The following SLC17A1 variants were observed in gnomAD, a reference collection of about 807,000 sequenced individuals.
The protein encoded by SLC17A1 is solute carrier family 17 member 1.
In SLC17A1, 51 loss-of-function variants were observed where a neutral mutation model predicts 53.5. The observed-to-expected ratio is 0.95, with a 90% CI of 0.76 to 1.20. The LOEUF is 1.20. Among genes scored for constraint, SLC17A1 ranks in the 50% most tolerant of loss-of-function variants. The probability of loss-of-function intolerance (pLI) is 0.00; values close to 1 mark genes in which losing one functional copy is unlikely to be tolerated. For synonymous variants in SLC17A1, 179 were observed against 198.8 expected (o/e 0.90, Z 0.84); for missense variants, 538 against 568.2 (o/e 0.95, Z 0.54).
chr6:25,726,396 T>C, the SLC17A1 span: 31 of 1,614,066 alleles, frequency 1.9e-5, no homozygotes, highest in Admixed American at 1.5e-4. Context: ...CGCCTGCCCC[T>C]ATCCGCTCTG....
chr6:25,809,264 G>A (rs1015199334), intron 10 of SLC17A1, among the ~76,000 whole-genome samples: 5 of 151,900 alleles, frequency 3.3e-5, no homozygotes, highest in African/African-American at 1.2e-4. Flanking sequence ...AGGAGGGTGA[G>A]GGTTAAAAAA....
chr6:25,799,431 TC>T (rs1362171627), intron 11 of SLC17A1, among the ~76,000 whole-genome samples: 2 of 152,178 alleles, frequency 1.3e-5, no homozygotes, highest in South Asian at 2.1e-4. Flanking sequence ...GAATGAGTTT[TC>T]TTCTGCTGGT....
At chr6:25,726,131 G>A in the SLC17A1 span, 6 of 1,524,036 alleles carry the variant, frequency 3.9e-6, no homozygotes, top group East Asian at 2.3e-5. Context: ...ACAACCTTAA[G>A]TTACTTGCTT....
the SLC17A1 span, chr6:25,726,938 C>G: frequency 1.2e-6 from 2 of 1,613,726 alleles, no homozygotes; most frequent in East Asian, 2.2e-5. Flanking sequence ...AAGGTGCTAC[C>G]ATTTCCAAGA....
chr6:25,726,248 G>C, the SLC17A1 span: 2 of 1,613,980 alleles, frequency 1.2e-6, no homozygotes, highest in Non-Finnish European at 1.7e-6. Context: ...AGCTTATTGA[G>C]TTCCTCATCA....
intron 3 of SLC17A1, 70 bp downstream of exon 3, chr6:25,826,391 C>T (rs1764741538): frequency 6.2e-6 from 8 of 1,288,816 alleles, no homozygotes; most frequent in Non-Finnish European, 5.4e-6. Context: ...AGTACAATTC[C>T]ATATCTACAC....
chr6:25,731,792 G>C, the SLC17A1 span: 1 of 1,592,126 alleles, frequency 6.3e-7, no homozygotes, highest in East Asian at 2.3e-5. Flanking sequence ...TTTACTTGGA[G>C]CTAGTGTACT....
rs1764158499 is a variant in SLC17A1 at position 25,811,564 on chromosome 6, A to G, written c.1031-19T>C. ...AGAAATCCTGGGGAGTGATTCAGAC[A>G]ACATAGTCAGGTGCATCCTAAAGAT... On this transcript the variant is annotated intron_variant, in intron 9 of 12. Coordinates refer to ENST00000244527, the MANE Select transcript of SLC17A1 (RefSeq NM_005074.5). The G allele has an allele frequency of 3.7e-6, 6 of 1,613,624 alleles. No homozygotes were observed. The African/African-American group carries it at 4.0e-5, about 11-fold the overall frequency.
At chr6:25,806,402 G>A (rs555273310) in intron 10 of SLC17A1, among the ~76,000 whole-genome samples, 17 of 152,058 alleles carry the variant, frequency 1.1e-4, no homozygotes, top group African/African-American at 4.1e-4. Context: ...GTCACATATA[G>A]CAAACACAAC....
the SLC17A1 span, chr6:25,770,954 A>G: frequency 3.1e-6 from 5 of 1,613,692 alleles, no homozygotes; most frequent in African/African-American, 4.0e-5. Flanking sequence ...TCATTGTTCT[A>G]CTTGCTGGTG....
chr6:25,778,078 C>T (rs2151465203), downstream of SLC17A1: 2 of 1,254,986 alleles, frequency 1.6e-6, no homozygotes, highest in East Asian at 2.3e-5. Context: ...GGTTTTTTCA[C>T]ATATGCACGG....
At chr6:25,793,444 C>T (rs1461082972) in intron 12 of SLC17A1, among the ~76,000 whole-genome samples, 2 of 152,146 alleles carry the variant, frequency 1.3e-5, no homozygotes, top group Non-Finnish European at 2.9e-5. Context: ...TTTTTATCCT[C>T]GGAATACTCA....
the SLC17A1 span, chr6:25,770,848 C>A: frequency 1.8e-6 from 2 of 1,105,974 alleles, no homozygotes; most frequent in Non-Finnish European, 2.8e-6. Context: ...ACTCACTGTG[C>A]AACTCAGCAT....
At chr6:25,762,089 A>G in the SLC17A1 span, 2 of 1,573,312 alleles carry the variant, frequency 1.3e-6, no homozygotes, top group Admixed American at 3.4e-5. Context: ...AGTAAATAAA[A>G]CTAGGATCTG....
chr6:25,818,595 G>A (rs1764440538), intron 6 of SLC17A1, among the ~76,000 whole-genome samples: 1 of 152,152 alleles, frequency 6.6e-6, no homozygotes, highest in Non-Finnish European at 1.5e-5. Flanking sequence ...AGATCAGAGA[G>A]CCGAAAGTGA....
chr6:25,822,216 G>A (rs1314694315), intron 3 of SLC17A1, among the ~76,000 whole-genome samples: 1 of 151,984 alleles, frequency 6.6e-6, no homozygotes, highest in Non-Finnish European at 1.5e-5. Flanking sequence ...TCTGTTCCGT[G>A]TTTTTCTTAT....
chr6:25,756,472 C>A, the SLC17A1 span, among the ~76,000 whole-genome samples: 4 of 152,130 alleles, frequency 2.6e-5, no homozygotes, highest in African/African-American at 9.7e-5. Context: ...TTGTTTTTTT[C>A]ATACCATGTG....
the SLC17A1 span, chr6:25,761,862 A>G: frequency 1.1e-6 from 1 of 917,134 alleles, no homozygotes; most frequent in South Asian, 1.8e-5. Flanking sequence ...TAGTTCTTAG[A>G]AAGAATTGGG....
At chr6:25,737,104 G>A in the SLC17A1 span, among the ~76,000 whole-genome samples, 1 of 152,172 alleles carries the variant, frequency 6.6e-6, no homozygotes, top group Non-Finnish European at 1.5e-5. Flanking sequence ...AGCCTACCAG[G>A]TTAGGAGGAT....
Sources: gnomAD v4.1 joint callset for allele counts (sites outside exome capture counted in the v4.1 genomes callset) on GRCh38, gnomAD v4.1.1 for gene constraint, MANE v1.5 for transcripts, NCBI Gene and HGNC (gene_info 2026-07-23, HGNC 2026-07-21) for gene names.